The following UTRN variants were observed in gnomAD, a reference collection of about 807,000 sequenced individuals.
The protein encoded by UTRN is dystrophin-related protein 1.
In UTRN, 283 loss-of-function variants were observed where a neutral mutation model predicts 463.9. The ratio of observed to expected loss-of-function variants is 0.61; its 90% confidence interval spans 0.55 to 0.67. The LOEUF (loss-of-function observed/expected upper bound fraction) is 0.67, where lower values mean the gene tolerates loss of function less well. Ranked by LOEUF, UTRN falls within the 30% of genes least tolerant of loss-of-function variation. The probability of loss-of-function intolerance (pLI) is 0.00; values close to 1 mark genes in which losing one functional copy is unlikely to be tolerated. For missense variants in UTRN, 3,922 were observed against 4,084.3 expected, an observed-to-expected ratio of 0.96 and a Z score of 1.08; for synonymous variants, 1,442 against 1,431.5, an observed-to-expected ratio of 1.01 and a Z score of -0.17.
intron 51 of UTRN, among the ~76,000 whole-genome samples, chr6:144,578,940 C>A (rs1459405140): frequency 6.6e-6 from 1 of 152,144 alleles, no homozygotes; most frequent in African/African-American, 2.4e-5. Flanking sequence ...CTGATTCTTA[C>A]AATTGTTCTT....
chr6:144,344,064 C>A, intron 2 of UTRN: 1 of 1,020,984 alleles, frequency 9.8e-7, no homozygotes, highest in Non-Finnish European at 1.3e-6. Context: ...TTAGTCAGAT[C>A]CTCTCATGGG....
chr6:144,504,730 T>C (rs1429491086), intron 34 of UTRN, among the ~76,000 whole-genome samples: 1 of 152,180 alleles, frequency 6.6e-6, no homozygotes, highest in Non-Finnish European at 1.5e-5. Context: ...TTTTTTTTGT[T>C]TTGTCTCTGC....
At chr6:144,537,767 C>A in intron 44 of UTRN, 50 bp downstream of exon 44, 1 of 1,579,702 alleles carries the variant, frequency 6.3e-7, no homozygotes, top group Non-Finnish European at 8.6e-7. Flanking sequence ...GAACATTATA[C>A]TTCAGAGTCA....
chr6:144,640,693 G>T (rs1777677178), intron 51 of UTRN, among the ~76,000 whole-genome samples: 1 of 152,046 alleles, frequency 6.6e-6, no homozygotes, highest in African/African-American at 2.4e-5. Flanking sequence ...GTTATTATTA[G>T]GGGTTTGTAT....
At chr6:144,382,179 C>T (rs1780992608) in intron 2 of UTRN, among the ~76,000 whole-genome samples, 1 of 152,170 alleles carries the variant, frequency 6.6e-6, no homozygotes, top group Non-Finnish European at 1.5e-5. Flanking sequence ...ACATAAGCTA[C>T]AGCGATGTTC....
chr6:144,302,003 A>T (rs1181017567), intron 2 of UTRN, among the ~76,000 whole-genome samples: 2 of 152,032 alleles, frequency 1.3e-5, no homozygotes, highest in African/African-American at 4.8e-5. Flanking sequence ...CTGCGTCCCC[A>T]GTTTTGCAAC....
At chr6:144,819,699 AT>A (rs1779392233) in intron 65 of UTRN, among the ~76,000 whole-genome samples, 1 of 152,202 alleles carries the variant, frequency 6.6e-6, no homozygotes, top group African/African-American at 2.4e-5. Flanking sequence ...TCTCAAAAAA[AT>A]AAAAAAAGTT....
intron 50 of UTRN, among the ~76,000 whole-genome samples, chr6:144,561,234 T>C (rs868630562): frequency 7.1e-5 from 6 of 84,594 alleles, no homozygotes; most frequent in East Asian, 3.2e-4. Context: ...TATATATATA[T>C]ATATATATAT....
chr6:144,707,723 G>A (rs1785233013), intron 53 of UTRN, among the ~76,000 whole-genome samples: 1 of 152,170 alleles, frequency 6.6e-6, no homozygotes, highest in Non-Finnish European at 1.5e-5. Flanking sequence ...GATTCAGCAG[G>A]TTTTGGGTGG....
intron 2 of UTRN, among the ~76,000 whole-genome samples, chr6:144,345,077 CTT>C (rs1777454638): frequency 6.6e-6 from 1 of 152,100 alleles, no homozygotes; most frequent in Non-Finnish European, 1.5e-5. Flanking sequence ...TATGAAAAAA[CTT>C]TGAGACTGGT....
chr6:144,708,529 A>G, intron 53 of UTRN: 2 of 375,814 alleles, frequency 5.3e-6, no homozygotes, highest in East Asian at 1.1e-4. Context: ...GGTATAGAAA[A>G]AAACACAGTC....
chr6:144,521,859 T>A, intron 39 of UTRN, 121 bp from the exon 40 acceptor site: 1 of 551,188 alleles, frequency 1.8e-6, no homozygotes, highest in Non-Finnish European at 2.6e-6. Context: ...AAAACTAAGT[T>A]TTAAAAATTT....
intron 51 of UTRN, among the ~76,000 whole-genome samples, chr6:144,647,608 T>C (rs1398658700): frequency 1.3e-5 from 2 of 152,268 alleles, no homozygotes; most frequent in African/African-American, 4.8e-5. Flanking sequence ...GCTGCTTATC[T>C]GGAGCTTTGC....
At chr6:144,702,965 T>C (rs1784740072) in intron 53 of UTRN, among the ~76,000 whole-genome samples, 1 of 152,234 alleles carries the variant, frequency 6.6e-6, no homozygotes, top group African/African-American at 2.4e-5. Context: ...TAGGTATCTA[T>C]AGTGCTGTGA....
At position 144,852,682 on chromosome 6, in the gene UTRN, T is replaced by C. The variant is rs955468657; in HGVS notation, c.*1685T>C. 1 of 152,624 alleles carries C rather than the reference T, an allele frequency of 6.6e-6. No individual in the cohort carries two copies. Among genetic ancestry groups the C allele is most frequent in the Non-Finnish European group, 1.5e-5 (1 of 68,024 alleles). 9.5% of individuals were successfully genotyped at this position (152,624 alleles called of 1,614,324 possible). Reference sequence around the variant, plus strand: ...AAAGTCTAGAGCTTTTATCAGGCCATGTCATACCCAAGAAAGCACCTATTT... The same window carrying C: ...AAAGTCTAGAGCTTTTATCAGGCCACGTCATACCCAAGAAAGCACCTATTT... On this transcript the variant is annotated 3_prime_UTR_variant, in exon 75 of 75. Coordinates refer to ENST00000367545, the MANE Select transcript of UTRN (RefSeq NM_007124.3).
At chr6:144,677,357 A>G (rs1781734424) in intron 51 of UTRN, among the ~76,000 whole-genome samples, 1 of 152,150 alleles carries the variant, frequency 6.6e-6, no homozygotes, top group Admixed American at 6.5e-5. Context: ...ATGAGTGAGA[A>G]CATGCGGTGT....
At chr6:144,360,274 G>A (rs1778962950) in intron 2 of UTRN, among the ~76,000 whole-genome samples, 2 of 151,928 alleles carry the variant, frequency 1.3e-5, no homozygotes, top group Non-Finnish European at 2.9e-5. Flanking sequence ...ACGGGTTCAA[G>A]GGATTCTCCT....
At chr6:144,420,558 A>T (rs556080636) in intron 3 of UTRN, among the ~76,000 whole-genome samples, 9 of 152,362 alleles carry the variant, frequency 5.9e-5, no homozygotes, top group Admixed American at 2.0e-4. Context: ...GAGCAGGATT[A>T]TCTGTGGGAG....
At chr6:144,548,268 T>G (rs542215988) in intron 46 of UTRN, among the ~76,000 whole-genome samples, 1 of 152,282 alleles carries the variant, frequency 6.6e-6, no homozygotes, top group East Asian at 1.9e-4. Context: ...AAGAATAAAA[T>G]ATGCTCACAT....
Sources: allele counts gnomAD v4.1 joint callset (sites outside exome capture counted in the v4.1 genomes callset), GRCh38; gene constraint gnomAD v4.1.1; transcripts MANE v1.5; gene names NCBI Gene and HGNC (gene_info 2026-07-23, HGNC 2026-07-21).